SLC12A2: variants seen among roughly 807,000 people sequenced by gnomAD.
SLC12A2 encodes the protein Na-K-2Cl cotransporter 1.
Under a neutral mutation model 136.3 loss-of-function variants are expected in SLC12A2, and 67 were observed. The observed-to-expected ratio is 0.49, with a 90% CI of 0.40 to 0.60. The LOEUF (loss-of-function observed/expected upper bound fraction) is 0.60, where lower values mean the gene tolerates loss of function less well. Among genes scored for constraint, SLC12A2 ranks in the 20% least tolerant of loss-of-function variants. The pLI, the probability that SLC12A2 is intolerant of heterozygous loss-of-function variation, is 0.00. For missense variants in SLC12A2, 1,322 were observed against 1,534.7 expected (o/e 0.86, Z 2.32); for synonymous variants, 619 against 562.9 (o/e 1.10, Z -1.41).
chr5:128,172,657 T>C (rs895765612), intron 19 of SLC12A2, among the ~76,000 whole-genome samples: 4 of 152,318 alleles, frequency 2.6e-5, no homozygotes, highest in Non-Finnish European at 4.4e-5. Context: ...ATTACTACTT[T>C]TGCCAACTTT....
At chr5:128,120,333 A>G (rs1761509205) in intron 4 of SLC12A2, among the ~76,000 whole-genome samples, 1 of 122,078 alleles carries the variant, frequency 8.2e-6, no homozygotes, top group South Asian at 2.6e-4. Flanking sequence ...TAGAAATACC[A>G]TTTGACCCAG....
intron 24 of SLC12A2, among the ~76,000 whole-genome samples, chr5:128,183,956 A>G (rs1763788351): frequency 6.6e-6 from 1 of 152,046 alleles, no homozygotes; most frequent in Non-Finnish European, 1.5e-5. Context: ...GATCAACCAA[A>G]AGTGTTTCAG....
At chr5:128,102,490 G>A (rs1318451092) in intron 1 of SLC12A2, among the ~76,000 whole-genome samples, 2 of 140,598 alleles carry the variant, frequency 1.4e-5, no homozygotes, top group Admixed American at 1.5e-4. Flanking sequence ...AAAAATGTAT[G>A]TAAATGGAAT....
At chr5:128,173,775 G>C (rs776339914) in intron 19 of SLC12A2, among the ~76,000 whole-genome samples, 24 of 152,182 alleles carry the variant, frequency 1.6e-4, no homozygotes, top group Non-Finnish European at 2.9e-4. Context: ...ACGCAAATAA[G>C]TGATGAGGAT....
chr5:128,085,605 T>C (rs973949107), intron 1 of SLC12A2, among the ~76,000 whole-genome samples: 4 of 152,262 alleles, frequency 2.6e-5, no homozygotes, highest in Non-Finnish European at 5.9e-5. Flanking sequence ...GTTTAACTTT[T>C]TTATGAGCCG....
chr5:128,124,581 A>G (rs1468363479), intron 4 of SLC12A2, among the ~76,000 whole-genome samples: 3 of 152,244 alleles, frequency 2.0e-5, no homozygotes, highest in Non-Finnish European at 2.9e-5. Context: ...AAAGGATGGT[A>G]TGGGAGAAGG....
intron 18 of SLC12A2, chr5:128,170,116 G>T (rs985574623): frequency 1.3e-5 from 2 of 152,066 alleles, no homozygotes; most frequent in African/African-American, 4.8e-5. Flanking sequence ...TTTATTAATA[G>T]TATATAAGAT....
rs1763822639 is a variant in SLC12A2 at position 128,184,958 on chromosome 5, T to C, written c.3503+102T>C. On this transcript the variant is annotated intron_variant, in intron 26 of 26. Transcript: ENST00000262461. ...TATCTATATAACACCCATATTGACT[T>C]AGTGGTTATAAGGAGGAAAAAACAA... is the stretch of plus-strand genomic sequence containing the variant. 3 of 1,037,024 alleles carry C rather than the reference T, an allele frequency of 2.9e-6. No individual in the cohort carries two copies. In the East Asian group the frequency reaches 7.4e-5, roughly 26 times the overall value. The allele number at this position is 1,037,024 out of a possible 1,614,324, so 64.2% of individuals were successfully genotyped here. A position where few individuals can be genotyped will look rare whatever the true frequency, so the allele number is the denominator to read the frequency against.
chr5:128,128,290 C>T (rs995125801), intron 4 of SLC12A2, among the ~76,000 whole-genome samples: 1 of 152,004 alleles, frequency 6.6e-6, no homozygotes, highest in African/African-American at 2.4e-5. Flanking sequence ...TAAGAATTAC[C>T]AGGGCATATA....
Position 128,131,153 on chromosome 5 carries a change from G to C in SLC12A2, c.1135G>C (p.Ala379Pro), listed in dbSNP as rs1179470604. 2 of 1,614,134 alleles carry C rather than the reference G, an allele frequency of 1.2e-6. No homozygotes were observed. Among genetic ancestry groups the C allele is most frequent in the Non-Finnish European group, 1.7e-6 (2 of 1,179,996 alleles). Residue 379 changes from alanine (A) to proline (P), a missense_variant, in exon 5 of 27, where the codon GCA (alanine) becomes CCA (proline). Transcript: ENST00000262461. ...GLIFAFANAV[A>P]VAMYVVGFAE... The stretch of plus-strand genomic sequence containing the variant: ...AATCTTCGCCTTTGCCAACGCTGTT[G>C]CAGTTGCTATGTATGTGGTTGGATT...
At chr5:128,185,508 A>T (rs1321407540) in intron 26 of SLC12A2, among the ~76,000 whole-genome samples, 1 of 151,162 alleles carries the variant, frequency 6.6e-6, no homozygotes, top group Non-Finnish European at 1.5e-5. Context: ...AAAGATTGTT[A>T]GTTTAACAAC....
intron 6 of SLC12A2, among the ~76,000 whole-genome samples, 180 bp downstream of exon 6, chr5:128,134,455 T>G (rs1581098681): frequency 6.6e-6 from 1 of 152,060 alleles, no homozygotes; most frequent in East Asian, 1.9e-4. Flanking sequence ...TCTTTGGAGA[T>G]AACACTCAGC....
intron 1 of SLC12A2, among the ~76,000 whole-genome samples, chr5:128,094,152 T>C (rs919398605): frequency 6.6e-6 from 1 of 151,586 alleles, no homozygotes; most frequent in South Asian, 2.1e-4. Context: ...ACATGGTTGC[T>C]TGAGTCAACT....
At chr5:128,122,102 A>C (rs1441790006) in intron 4 of SLC12A2, among the ~76,000 whole-genome samples, 1 of 152,218 alleles carries the variant, frequency 6.6e-6, no homozygotes, top group Non-Finnish European at 1.5e-5. Flanking sequence ...TACAAAGGAA[A>C]GTTTCCTCAA....
rs570319640 is a variant in SLC12A2 at position 128,177,370 on chromosome 5, C to T, written c.2977+218C>T. Among the ~76,000 whole-genome samples the T allele has an allele frequency of 7.2e-5, 11 of 152,088 alleles. No individual in the cohort carries two copies. In the East Asian group the frequency reaches 2.1e-3, roughly 29 times the overall value. ...TATCACAAATTCTTTTCTATTATCACAGCATTTCTGAAATATTAGACCCAG... is the reference window on the plus strand; with the variant it reads ...TATCACAAATTCTTTTCTATTATCATAGCATTTCTGAAATATTAGACCCAG... On this transcript the variant is annotated intron_variant, in intron 21 of 26. Coordinates refer to ENST00000262461, the MANE Select transcript of SLC12A2 (RefSeq NM_001046.3).
At chr5:128,116,504 A>T (rs752941025) in intron 4 of SLC12A2, among the ~76,000 whole-genome samples, 6 of 151,752 alleles carry the variant, frequency 4.0e-5, no homozygotes, top group Admixed American at 6.6e-5. Flanking sequence ...TGTGGAACCC[A>T]CACAGATCTG....
In SLC12A2 at chr5:128,105,913, T is replaced by G. The variant is rs187192359; in HGVS notation, c.757-6901T>G. Among the ~76,000 whole-genome samples, 37 of 152,302 alleles carry G rather than the reference T, an allele frequency of 2.4e-4. 1 individual carries two copies. The highest frequency in any genetic ancestry group is 7.7e-4 in the African/African-American group (32 of 41,570). ...CTCCTAAGTTCCAGTCACACATTTT[T>G]TAACTGCTGGATAGGACTCTAATTG... On this transcript the variant is annotated intron_variant, in intron 1 of 26. Transcript: ENST00000262461.
At chr5:128,101,247 AAATTGTTAGAAC>A (rs1342696345) in intron 1 of SLC12A2, among the ~76,000 whole-genome samples, 27 of 152,260 alleles carry the variant, frequency 1.8e-4, no homozygotes, top group African/African-American at 6.5e-4. Flanking sequence ...TGATTAAAAA[AAATTGTTAGAAC>A]AATTGTTAGA....
At chr5:128,167,474 T>C (rs574826887) in intron 17 of SLC12A2, among the ~76,000 whole-genome samples, 38 of 152,244 alleles carry the variant, frequency 2.5e-4, no homozygotes, top group African/African-American at 8.7e-4. Flanking sequence ...CTCTTTCTCT[T>C]AGTAAAAATA....
Sources: allele counts gnomAD v4.1 joint callset (sites outside exome capture counted in the v4.1 genomes callset), GRCh38; gene constraint gnomAD v4.1.1; transcripts MANE v1.5; gene names NCBI Gene and HGNC (gene_info 2026-07-23, HGNC 2026-07-21).